HNF4G: variants seen among roughly 807,000 people sequenced by gnomAD.
HNF4G encodes hepatocyte nuclear factor 4 gamma, also known as hepatocyte nuclear factor 4-gamma.
A neutral mutation model predicts 50.9 loss-of-function variants in HNF4G; 21 were observed. The ratio of observed to expected loss-of-function variants is 0.41; its 90% CI spans 0.29 to 0.59. The LOEUF (loss-of-function observed/expected upper bound fraction) is 0.59. HNF4G is among the 20% of genes least tolerant of loss of function. The pLI, the probability that HNF4G is intolerant of heterozygous loss-of-function variation, is 0.26. For missense variants in HNF4G, 527 were observed against 559.4 expected (o/e 0.94, Z 0.58); for synonymous variants, 198 against 185.6 (o/e 1.07, Z -0.54).
At chr8:75,543,717 G>T (rs1341858239) in intron 1 of HNF4G, 94 bp from the exon 2 acceptor site, 4 of 1,052,618 alleles carry the variant, frequency 3.8e-6, no homozygotes, top group Non-Finnish European at 4.1e-6. Flanking sequence ...AGAAGCCAAT[G>T]AATGGAGTGT....
rs557733048 is a variant in HNF4G, at chr8:75,438,913, AT to A, written c.-144+30759del. ...ATGCTTTTCTTTTTCCTTCACTTTG[AT>A]TTTTTTTCTCCACTTAATTATATCT... On this transcript the variant is annotated intron_variant, in intron 1 of 10. Transcript: ENST00000354370. 2.0e-3 allele frequency among the ~76,000 whole-genome samples: 300 copies of A among 151,302 alleles called. 1 individual carries two copies. The highest frequency in any genetic ancestry group is 6.5e-3 in the African/African-American group (268 of 41,288).
At chr8:75,409,477 GTTC>G in intron 1 of HNF4G, among the ~76,000 whole-genome samples, 1 of 84,920 alleles carries the variant, frequency 1.2e-5, no homozygotes, top group Admixed American at 1.2e-4. Flanking sequence ...TGAGTGCCTT[GTTC>G]TTTTTTTTTT....
At chr8:75,502,167 T>C (rs1812946156) in intron 2 of HNF4G, among the ~76,000 whole-genome samples, 1 of 152,184 alleles carries the variant, frequency 6.6e-6, no homozygotes, top group Admixed American at 6.5e-5. Flanking sequence ...TCTATGTTCT[T>C]GGTGATTTGC....
intron 1 of HNF4G, among the ~76,000 whole-genome samples, chr8:75,441,719 G>T (rs1811291288): frequency 6.6e-6 from 1 of 152,162 alleles, no homozygotes; most frequent in African/African-American, 2.4e-5. Context: ...AGCAAAACCA[G>T]ATTACAGTTA....
intron 1 of HNF4G, among the ~76,000 whole-genome samples, chr8:75,465,802 A>G (rs1015676681): frequency 2.6e-5 from 4 of 152,144 alleles, no homozygotes; most frequent in East Asian, 1.9e-4. Context: ...TTACCAGGAC[A>G]TGTTTCAAAA....
chr8:75,529,381 C>G (rs1441727777), intron 2 of HNF4G, among the ~76,000 whole-genome samples: 3 of 152,038 alleles, frequency 2.0e-5, no homozygotes. Flanking sequence ...TCACCTCCCT[C>G]GACACATGGG....
chr8:75,410,818 C>CA (rs1459269318), intron 1 of HNF4G, among the ~76,000 whole-genome samples: 10 of 152,184 alleles, frequency 6.6e-5, no homozygotes, highest in Admixed American at 6.5e-4. Flanking sequence ...CCACCATCCT[C>CA]AAAGGTATTT....
Position 75,560,419 on chromosome 8 carries a change from C to G in HNF4G, c.1199C>G (p.Thr400Ser). The G allele has an allele frequency of 6.2e-7, 1 of 1,613,090 alleles. No individual in the cohort carries two copies. Among genetic ancestry groups the G allele is most frequent in the Non-Finnish European group, 8.5e-7 (1 of 1,179,196 alleles). Residue 400 changes from threonine (T) to serine (S), a missense_variant, in exon 9 of 10, where the codon ACT (threonine) becomes AGT (serine). Physicochemically the swap from Thr to Ser is moderately conservative, Grantham distance 58 (BLOSUM62 1). This residue lies in a region of HNF4G where 308 missense variants were observed against 301.5 expected (regional missense o/e 1.02). Transcript: ENST00000396423. ...TCTCAAGACCCATTAACTGGACAAACTATACTTTTAGGTCCCATGTCAACA... is the reference window on the plus strand; with the variant it reads ...TCTCAAGACCCATTAACTGGACAAAGTATACTTTTAGGTCCCATGTCAACA... ...HLSQDPLTGQTILLGPMSTLV... is the reference protein window; with the variant it reads ...HLSQDPLTGQSILLGPMSTLV...
At chr8:75,455,012 A>T (rs1811685556) in intron 1 of HNF4G, among the ~76,000 whole-genome samples, 1 of 152,200 alleles carries the variant, frequency 6.6e-6, no homozygotes, top group African/African-American at 2.4e-5. Context: ...ATATATAAAA[A>T]TTAAGATAAA....
chr8:75,491,051 T>A (rs778536212), intron 2 of HNF4G, among the ~76,000 whole-genome samples: 5 of 152,188 alleles, frequency 3.3e-5, no homozygotes, highest in Non-Finnish European at 5.9e-5. Flanking sequence ...AGTTTGTGTT[T>A]GGAAAGTACA....
In HNF4G at chr8:75,564,628, A is replaced by G. The variant is rs150642861; in HGVS notation, c.*532A>G. On this transcript the variant is annotated 3_prime_UTR_variant, in exon 10 of 10. Transcript: ENST00000396423. The stretch of plus-strand genomic sequence containing the variant: ...ATGGACAGTCTGTGGTAAAGAAGCA[A>G]CTCTTTGCTTTAGAGTTAAATATTC... 6.6e-6 allele frequency: 1 copy of G among 152,230 alleles called. No individual in the cohort carries two copies. The highest frequency in any genetic ancestry group is 6.5e-5 in the Admixed American group (1 of 15,278). 9.4% of individuals were successfully genotyped at this position (152,230 alleles called of 1,614,324 possible). A position where few individuals can be genotyped will look rare whatever the true frequency, so the allele number is the denominator to read the frequency against.
At chr8:75,535,717 A>C (rs1272828782), upstream of HNF4G, among the ~76,000 whole-genome samples, 2 of 151,956 alleles carry the variant, frequency 1.3e-5, no homozygotes, top group African/African-American at 4.8e-5. Context: ...AATTATTTTC[A>C]TGAAAATTAT....
chr8:75,430,454 A>T (rs1156424514), intron 1 of HNF4G, among the ~76,000 whole-genome samples: 1 of 150,456 alleles, frequency 6.6e-6, no homozygotes, highest in African/African-American at 2.5e-5. Flanking sequence ...TAAGCAAATA[A>T]AAGAGACGGG....
chr8:75,506,995 T>G (rs1455126624), intron 2 of HNF4G, among the ~76,000 whole-genome samples: 2 of 152,222 alleles, frequency 1.3e-5, no homozygotes, highest in African/African-American at 4.8e-5. Context: ...CTAAAAATGT[T>G]ATAGGTTTAC....
Position 75,547,682 on chromosome 8 carries a change from GTAA to G in HNF4G, c.382+9_382+11del, listed in dbSNP as rs752520768. On this transcript the variant is annotated splice_donor_variant and splice_donor_region_variant and intron_variant, in intron 3 of 9. Coordinates refer to ENST00000396423, the MANE Select transcript of HNF4G (RefSeq NM_004133.5). LOFTEE classifies it high-confidence loss of function. The stretch of plus-strand genomic sequence containing the variant: ...TTTAGAGCGGGAATGAAAAAAGAAG[GTAA>G]TAATAATGATGATGATAATTAACAT... The G allele has an allele frequency of 9.1e-5, 136 of 1,492,848 alleles. No individual in the cohort carries two copies. Among genetic ancestry groups the G allele is most frequent in the Middle Eastern group, 3.5e-4 (2 of 5,794 alleles). 92.5% of individuals were successfully genotyped at this position (1,492,848 alleles called of 1,614,324 possible).
intron 6 of HNF4G, 148 bp from the exon 7 acceptor site, chr8:75,558,370 A>G: frequency 1.5e-6 from 1 of 652,358 alleles, no homozygotes; most frequent in Non-Finnish European, 2.5e-6. Flanking sequence ...TAGCATAACT[A>G]ACAACACCAC....
intron 3 of HNF4G, among the ~76,000 whole-genome samples, chr8:75,549,024 C>T (rs915357511): frequency 6.6e-6 from 1 of 152,150 alleles, no homozygotes; most frequent in Non-Finnish European, 1.5e-5. Context: ...TGCCTTCCTC[C>T]ATTTTTACTT....
chr8:75,434,572 A>C (rs1811093557), intron 1 of HNF4G, among the ~76,000 whole-genome samples: 1 of 152,168 alleles, frequency 6.6e-6, no homozygotes, highest in Admixed American at 6.6e-5. Context: ...TGTAATAAAC[A>C]AGGAAACAAT....
intron 2 of HNF4G, among the ~76,000 whole-genome samples, chr8:75,504,896 T>C (rs759399157): frequency 3.3e-5 from 5 of 152,180 alleles, no homozygotes; most frequent in Admixed American, 6.5e-5. Flanking sequence ...CTGTTTCACT[T>C]TATAATGTTG....
Sources: gnomAD v4.1 joint callset for allele counts (sites outside exome capture counted in the v4.1 genomes callset) on GRCh38, gnomAD v4.1.1 for gene constraint, gnomAD v4.1.1 regional missense constraint, MANE v1.5 for transcripts, NCBI Gene and HGNC (gene_info 2026-07-23, HGNC 2026-07-21) for gene names.